Variants in CRYBG1 observed in about 807,000 individuals in gnomAD.
CRYBG1 encodes beta/gamma crystallin domain-containing protein 1.
A neutral mutation model predicts 189.2 loss-of-function variants in CRYBG1; 139 were observed. The observed-to-expected ratio is 0.73, with a 90% confidence interval of 0.64 to 0.85. CRYBG1 has a LOEUF of 0.85. CRYBG1 is among the 40% of genes least tolerant of loss of function. The pLI is 0.00. For missense variants in CRYBG1, 2,611 were observed against 2,675.8 expected, an observed-to-expected ratio of 0.98 and a Z score of 0.53; for synonymous variants, 1,023 against 1,017.1, an observed-to-expected ratio of 1.01 and a Z score of -0.11.
rs116332928 is a variant in CRYBG1, at chr6:106,371,117, A to C, written c.173+10036A>C. On this transcript the variant is annotated intron_variant, in intron 1 of 21. Transcript: ENST00000633556. ...TAAAGTGATAGAGCCTATCAGTATG[A>C]TATTGTACCTATGCAAGAACTCCCT... Among the ~76,000 whole-genome samples the C allele has an allele frequency of 2.3e-3, 355 of 152,310 alleles. 3 individuals are homozygous for C. Among genetic ancestry groups the C allele is most frequent in the African/African-American group, 8.2e-3 (342 of 41,556 alleles).
chr6:106,377,252 G>A (rs1770184258), intron 1 of CRYBG1, among the ~76,000 whole-genome samples: 1 of 151,938 alleles, frequency 6.6e-6, no homozygotes, highest in Non-Finnish European at 1.5e-5. Context: ...TTCTTGTGTT[G>A]CTCCCTTGTA....
intron 6 of CRYBG1, among the ~76,000 whole-genome samples, chr6:106,525,722 A>G (rs188955181): frequency 5.9e-5 from 9 of 152,316 alleles, no homozygotes; most frequent in African/African-American, 2.2e-4. Context: ...TGAGGTTGAT[A>G]AGAATTGCAC....
intron 2 of CRYBG1, among the ~76,000 whole-genome samples, chr6:106,500,366 A>G (rs1324832389): frequency 6.6e-6 from 1 of 151,642 alleles, no homozygotes; most frequent in Non-Finnish European, 1.5e-5. Context: ...GTGTGAAGTG[A>G]TAGTTCATTA....
chr6:106,410,791 G>A (rs934483109), intron 1 of CRYBG1, among the ~76,000 whole-genome samples: 3 of 152,178 alleles, frequency 2.0e-5, no homozygotes, highest in African/African-American at 4.8e-5. Flanking sequence ...ATTCTCACTC[G>A]TAAGTGGGAG....
chr6:106,487,356 T>C (rs927105225), intron 2 of CRYBG1, among the ~76,000 whole-genome samples: 2 of 152,196 alleles, frequency 1.3e-5, no homozygotes, highest in African/African-American at 4.8e-5. Context: ...TGGTTATGGA[T>C]TTACCTATAT....
chr6:106,390,397 T>C (rs1770478721), intron 1 of CRYBG1, among the ~76,000 whole-genome samples: 1 of 151,658 alleles, frequency 6.6e-6, no homozygotes, highest in Non-Finnish European at 1.5e-5. Flanking sequence ...CCTTCCCTCC[T>C]CTCTCTCCCT....
At chr6:106,382,437 T>A (rs1270587636) in intron 1 of CRYBG1, among the ~76,000 whole-genome samples, 1 of 152,196 alleles carries the variant, frequency 6.6e-6, no homozygotes, top group Non-Finnish European at 1.5e-5. Flanking sequence ...GCATCATTCC[T>A]GAAAGATTTT....
intron 1 of CRYBG1, among the ~76,000 whole-genome samples, chr6:106,427,731 T>C (rs886416905): frequency 6.6e-6 from 1 of 152,186 alleles, no homozygotes; most frequent in Non-Finnish European, 1.5e-5. Flanking sequence ...AACCTAAATG[T>C]GATGGTGTTT....
intron 2 of CRYBG1, among the ~76,000 whole-genome samples, chr6:106,460,604 G>A (rs1398550771): frequency 1.3e-5 from 2 of 152,100 alleles, no homozygotes; most frequent in African/African-American, 4.8e-5. Context: ...ACGCTGCCCT[G>A]CCCTTACTCT....
intron 1 of CRYBG1, among the ~76,000 whole-genome samples, chr6:106,377,645 A>ATATATATATATATATATATATATATT (rs1562290483): frequency 3.7e-5 from 5 of 136,848 alleles, no homozygotes; most frequent in African/African-American, 1.4e-4. Flanking sequence ...ATATATATAT[A>ATATATATATATATATATATATATATT]TATTTTCATT....
chr6:106,488,524 C>G (rs966381770), intron 2 of CRYBG1, among the ~76,000 whole-genome samples: 2 of 152,124 alleles, frequency 1.3e-5, no homozygotes, highest in Non-Finnish European at 2.9e-5. Flanking sequence ...GTAGCTGCTG[C>G]TGGTAACCTT....
intron 2 of CRYBG1, among the ~76,000 whole-genome samples, chr6:106,510,506 G>GATCATTC (rs1231388526): frequency 6.6e-6 from 1 of 152,258 alleles, no homozygotes; most frequent in African/African-American, 2.4e-5. Context: ...GAGCGCTGCG[G>GATCATTC]ATCATTCGCA....
At chr6:106,430,992 G>T (rs1166543147) in intron 1 of CRYBG1, among the ~76,000 whole-genome samples, 1 of 152,100 alleles carries the variant, frequency 6.6e-6, no homozygotes, top group African/African-American at 2.4e-5. Context: ...CTCCCGAGTG[G>T]CTGGGACTAC....
intron 7 of CRYBG1, among the ~76,000 whole-genome samples, chr6:106,527,891 G>T (rs1427791253): frequency 1.3e-5 from 2 of 151,812 alleles, no homozygotes; most frequent in Admixed American, 6.6e-5. Context: ...TTAACTCTGG[G>T]ATTTCATGTG....
intron 2 of CRYBG1, among the ~76,000 whole-genome samples, chr6:106,509,383 T>A (rs1773197867): frequency 6.6e-6 from 1 of 152,240 alleles, no homozygotes; most frequent in Non-Finnish European, 1.5e-5. Flanking sequence ...TACAATATTT[T>A]AATTTTTTCC....
At chr6:106,433,763 ATATATATATG>A (rs1771394822) in intron 1 of CRYBG1, among the ~76,000 whole-genome samples, 1 of 83,590 alleles carries the variant, frequency 1.2e-5, no homozygotes, top group South Asian at 3.8e-4. Context: ...ATATGTGTAT[ATATATATATG>A]TATATATATA....
At chr6:106,566,592 C>A (rs1476788855) in intron 21 of CRYBG1, among the ~76,000 whole-genome samples, 1 of 150,480 alleles carries the variant, frequency 6.6e-6, no homozygotes, top group African/African-American at 2.5e-5. Context: ...CTGCCTTAGC[C>A]TCCTGAGTAG....
chr6:106,363,576 G>A (rs1011797212), intron 1 of CRYBG1, among the ~76,000 whole-genome samples: 1 of 152,104 alleles, frequency 6.6e-6, no homozygotes, highest in African/African-American at 2.4e-5. Context: ...TTTCTGTCCA[G>A]GACTTGGAAG....
chr6:106,474,343 C>T (rs1313586982), intron 2 of CRYBG1, among the ~76,000 whole-genome samples: 1 of 152,068 alleles, frequency 6.6e-6, no homozygotes, highest in Non-Finnish European at 1.5e-5. Context: ...GACCTGGTCT[C>T]TAAAATATAA....
Sources: allele counts gnomAD v4.1 joint callset (sites outside exome capture counted in the v4.1 genomes callset), GRCh38; gene constraint gnomAD v4.1.1; transcripts MANE v1.5; gene names NCBI Gene and HGNC (gene_info 2026-07-23, HGNC 2026-07-21).